The following ROBO2 variants were observed in gnomAD, a reference collection of about 807,000 sequenced individuals.
ROBO2 encodes the protein roundabout guidance receptor 2, also known as roundabout homolog 2.
A neutral mutation model predicts 160.8 loss-of-function variants in ROBO2; 53 were observed. The observed-to-expected ratio is 0.33, with a 90% CI of 0.26 to 0.41. The LOEUF (loss-of-function observed/expected upper bound fraction) is 0.41. Ranked by LOEUF, ROBO2 falls within the 10% of genes least tolerant of loss-of-function variation. ROBO2 has a pLI of 1.00. For synonymous variants in ROBO2, 664 were observed against 611.7 expected, an observed-to-expected ratio of 1.09 and a Z score of -1.26; for missense variants, 1,577 against 1,722.4, an observed-to-expected ratio of 0.92 and a Z score of 1.49.
chr3:77,031,997 T>C lies in ROBO2; in HGVS notation c.110-66017T>C, dbSNP rs2149558723. Among the ~76,000 whole-genome samples the C allele has an allele frequency of 2.0e-5, 3 of 152,228 alleles. No individual in the cohort carries two copies. In the South Asian group the frequency reaches 6.2e-4, roughly 32 times the overall value. ...GGTACCTTCTCACTGTGTCTTCACA[T>C]GGTGGAAGATACTATTTCTCCAAGG... On this transcript the variant is annotated intron_variant, in intron 2 of 26. Transcript: ENST00000487694.
chr3:76,263,945 C>T (rs965555575), intron 2 of ROBO2, among the ~76,000 whole-genome samples: 2 of 152,142 alleles, frequency 1.3e-5, no homozygotes, highest in Non-Finnish European at 2.9e-5. Flanking sequence ...TGGAAACCAT[C>T]ATTGTCAGCA....
intron 2 of ROBO2, among the ~76,000 whole-genome samples, chr3:76,467,653 T>A (rs1386419905): frequency 6.6e-6 from 1 of 152,074 alleles, no homozygotes; most frequent in African/African-American, 2.4e-5. Flanking sequence ...ATCTAGCTGG[T>A]GTCATTACAA....
At chr3:77,218,456 C>G (rs891962779) in intron 2 of ROBO2, among the ~76,000 whole-genome samples, 5 of 151,148 alleles carry the variant, frequency 3.3e-5, no homozygotes, top group African/African-American at 9.7e-5. Flanking sequence ...CTCACGCAAA[C>G]TCCACCTCCT....
intron 2 of ROBO2, among the ~76,000 whole-genome samples, chr3:76,523,013 T>C (rs535812773): frequency 2.7e-5 from 4 of 148,068 alleles, no homozygotes; most frequent in South Asian, 4.2e-4. Context: ...ATATAAAATA[T>C]ATAATATATT....
At chr3:76,403,283 CAAT>C (rs1184652430) in intron 2 of ROBO2, among the ~76,000 whole-genome samples, 1 of 151,572 alleles carries the variant, frequency 6.6e-6, no homozygotes, top group Non-Finnish European at 1.5e-5. Context: ...TAGATGCCAA[CAAT>C]GAGTCTCTTT....
At chr3:76,517,475 T>C (rs1312069533) in intron 2 of ROBO2, among the ~76,000 whole-genome samples, 1 of 152,130 alleles carries the variant, frequency 6.6e-6, no homozygotes, top group African/African-American at 2.4e-5. Context: ...GCTTGAGGCC[T>C]TAGAGAAGTT....
rs537152354 is a variant in ROBO2 at position 77,255,621 on chromosome 3, T to G, written c.388+157281T>G. Among the ~76,000 whole-genome samples, 101 of 152,298 alleles carry G rather than the reference T, an allele frequency of 6.6e-4. 2 individuals carry two copies. The South Asian group carries it at 0.021, about 31-fold the overall frequency. On this transcript the variant is annotated intron_variant, in intron 2 of 25. Transcript: ENST00000461745. The stretch of plus-strand genomic sequence containing the variant: ...ACTATCCAAATTCCTACCATAGCAA[T>G]TTAGGAGATACCATAGATTTGGAGA...
intron 1 of ROBO2, among the ~76,000 whole-genome samples, chr3:77,054,394 C>A (rs1312029928): frequency 6.6e-6 from 1 of 152,088 alleles, no homozygotes; most frequent in African/African-American, 2.4e-5. Context: ...ACAACGTATG[C>A]CATCTGACCC....
At chr3:76,737,873 A>G (rs1334005536) in intron 2 of ROBO2, among the ~76,000 whole-genome samples, 2 of 152,262 alleles carry the variant, frequency 1.3e-5, no homozygotes, top group Non-Finnish European at 1.5e-5. Context: ...CAGACTGGGA[A>G]CGGTGGCTCA....
intron 2 of ROBO2, among the ~76,000 whole-genome samples, chr3:76,648,553 T>G (rs115017960): frequency 6.6e-6 from 1 of 152,216 alleles, no homozygotes; most frequent in Non-Finnish European, 1.5e-5. Context: ...ATATTCTGAG[T>G]ATGATAACTG....
Position 76,486,914 on chromosome 3 carries a change from C to T in ROBO2, c.109+549312C>T, listed in dbSNP as rs987779775. On this transcript the variant is annotated intron_variant, in intron 2 of 26. Transcript: ENST00000487694. Reference sequence around the variant, plus strand: ...AAATAATTGTTATCCCCTAAACCCTCTAAATGTTATAAGGGAGTAGAACTT... The same window carrying T: ...AAATAATTGTTATCCCCTAAACCCTTTAAATGTTATAAGGGAGTAGAACTT... Among the ~76,000 whole-genome samples the T allele has an allele frequency of 2.0e-5, 3 of 152,140 alleles. No homozygotes were observed. In the East Asian group the frequency reaches 5.8e-4, roughly 29 times the overall value.
chr3:77,428,560 G>T (rs112437568), intron 2 of ROBO2, among the ~76,000 whole-genome samples: 1 of 151,110 alleles, frequency 6.6e-6, no homozygotes, highest in Non-Finnish European at 1.5e-5. Flanking sequence ...GTTTCACCTT[G>T]TTAGCCAGGA....
chr3:77,200,466 A>G (rs2082801810), intron 2 of ROBO2, among the ~76,000 whole-genome samples: 2 of 151,510 alleles, frequency 1.3e-5, no homozygotes, highest in Admixed American at 6.6e-5. Context: ...AAAAATTTCA[A>G]AAATTAAATG....
chr3:76,324,752 A>C (rs1438643680), intron 2 of ROBO2, among the ~76,000 whole-genome samples: 1 of 152,214 alleles, frequency 6.6e-6, no homozygotes, highest in Non-Finnish European at 1.5e-5. Context: ...CTGGAAAAAA[A>C]AGCACTTTAC....
At chr3:76,342,944 G>T (rs930214098) in intron 2 of ROBO2, among the ~76,000 whole-genome samples, 1 of 151,966 alleles carries the variant, frequency 6.6e-6, no homozygotes, top group Non-Finnish European at 1.5e-5. Flanking sequence ...CATTAAAATT[G>T]ATTATTATAT....
intron 2 of ROBO2, among the ~76,000 whole-genome samples, chr3:76,938,031 G>T (rs139681620): frequency 4.5e-4 from 69 of 152,284 alleles, no homozygotes; most frequent in African/African-American, 1.6e-3. Context: ...TCATAGGTGG[G>T]AATTACGGAC....
chr3:77,463,821 TC>T (rs2082488534), intron 2 of ROBO2, among the ~76,000 whole-genome samples: 1 of 151,998 alleles, frequency 6.6e-6, no homozygotes, highest in East Asian at 1.9e-4. Context: ...GCTCAAGGGA[TC>T]CCCCGACCTC....
chr3:76,614,645 T>C (rs1400740144), intron 2 of ROBO2, among the ~76,000 whole-genome samples: 1 of 152,182 alleles, frequency 6.6e-6, no homozygotes, highest in Non-Finnish European at 1.5e-5. Context: ...CAATAACTAA[T>C]GTTTGTTTTA....
intron 2 of ROBO2, among the ~76,000 whole-genome samples, chr3:76,244,842 A>C (rs541690009): frequency 6.6e-6 from 1 of 152,318 alleles, no homozygotes. Context: ...GAATAAAAGT[A>C]ACTATTCAGA....
Sources: gnomAD v4.1 joint callset for allele counts (sites outside exome capture counted in the v4.1 genomes callset) on GRCh38, gnomAD v4.1.1 for gene constraint, MANE v1.5 for transcripts, NCBI Gene and HGNC (gene_info 2026-07-23, HGNC 2026-07-21) for gene names.